The following HTR4 variants were observed in gnomAD, a reference collection of about 807,000 sequenced individuals.
HTR4 encodes 5-hydroxytryptamine receptor 4, also known as 5-hydroxytryptamine (serotonin) receptor 4, G protein-coupled.
HTR4 carries 16 observed loss-of-function variants against 36.8 expected under a neutral mutation model. The ratio of observed to expected loss-of-function variants is 0.43; its 90% CI spans 0.29 to 0.66. The LOEUF (loss-of-function observed/expected upper bound fraction) is 0.66, where lower values mean the gene tolerates loss of function less well. Among genes scored for constraint, HTR4 ranks in the 30% least tolerant of loss-of-function variants. The pLI, the probability that HTR4 is intolerant of heterozygous loss-of-function variation, is 0.13. For missense variants in HTR4, 438 were observed against 490.9 expected, an observed-to-expected ratio of 0.89 and a Z score of 1.02; for synonymous variants, 189 against 185.1, an observed-to-expected ratio of 1.02 and a Z score of -0.17.
rs146900881 is a variant in HTR4, at chr5:148,643,402, C to G, written c.-47-6341G>C. Among the ~76,000 whole-genome samples, 321 of 152,104 alleles carry G rather than the reference C, an allele frequency of 2.1e-3. 5 individuals carry two copies. The East Asian group carries it at 0.038, about 18-fold the overall frequency. On this transcript the variant is annotated intron_variant, in intron 1 of 6. Coordinates refer to ENST00000377888, the MANE Select transcript of HTR4 (RefSeq NM_000870.7). Reference sequence around the variant, plus strand: ...TCATGTTGTGCTGAATGGGATATATCTAGTGTTTCTAGAAATCAGGTTTTT... The same window carrying G: ...TCATGTTGTGCTGAATGGGATATATGTAGTGTTTCTAGAAATCAGGTTTTT...
intron 2 of HTR4, among the ~76,000 whole-genome samples, chr5:148,599,632 T>C (rs1340108381): frequency 6.6e-6 from 1 of 152,012 alleles, no homozygotes; most frequent in Non-Finnish European, 1.5e-5. Context: ...TTAAGAGTTC[T>C]CTTTACGAAG....
At chr5:148,465,035 A>G (rs1239391701) in intron 5 of HTR4, among the ~76,000 whole-genome samples, 1 of 152,192 alleles carries the variant, frequency 6.6e-6, no homozygotes, top group Admixed American at 6.5e-5. Context: ...ACTATGGAGA[A>G]AATAAAAAGA....
Position 148,588,685 on chromosome 5 carries a change from C to T in HTR4, c.27-38423G>A, listed in dbSNP as rs565499170. Among the ~76,000 whole-genome samples the T allele has an allele frequency of 3.2e-3, 481 of 150,586 alleles. 4 individuals are homozygous for T. Among genetic ancestry groups the T allele is most frequent in the African/African-American group, 0.011 (447 of 41,228 alleles). On this transcript the variant is annotated intron_variant, in intron 2 of 6. Transcript: ENST00000377888. ...CCTCCCGAGTAGCTGGGACTACAGG[C>T]GCCCGCCACCGCGCCCGGCTAATTT...
intron 5 of HTR4, chr5:148,451,408 G>A: frequency 6.9e-7 from 1 of 1,451,322 alleles, no homozygotes. Flanking sequence ...AGTGGGGATG[G>A]GGTGATACTT....
chr5:148,458,108 T>A (rs1161358945), intron 5 of HTR4, among the ~76,000 whole-genome samples: 3 of 57,490 alleles, frequency 5.2e-5, no homozygotes, highest in African/African-American at 8.4e-5. Context: ...TAATATCTAT[T>A]AAATAGATCT....
chr5:148,574,301 T>C (rs756572302), intron 2 of HTR4, among the ~76,000 whole-genome samples: 31 of 152,036 alleles, frequency 2.0e-4, no homozygotes, highest in Admixed American at 1.2e-3. Context: ...TGCACTGCTA[T>C]TCACCCAAGA....
intron 1 of HTR4, among the ~76,000 whole-genome samples, chr5:148,650,211 G>C (rs1753994418): frequency 6.6e-6 from 1 of 152,118 alleles, no homozygotes; most frequent in Non-Finnish European, 1.5e-5. Context: ...ATGAAAGTTT[G>C]AGAAGCACTC....
chr5:148,596,538 T>A (rs1196014555), intron 2 of HTR4, among the ~76,000 whole-genome samples: 1 of 152,164 alleles, frequency 6.6e-6, no homozygotes, highest in Non-Finnish European at 1.5e-5. Context: ...GGGCTGGCTT[T>A]TTTTGGAGAG....
intron 2 of HTR4, among the ~76,000 whole-genome samples, chr5:148,603,344 GA>G (rs1275564406): frequency 2.0e-5 from 3 of 151,814 alleles, no homozygotes; most frequent in Admixed American, 2.0e-4. Flanking sequence ...GATTTACAAA[GA>G]AAAAACTCAG....
chr5:148,517,333 T>C (rs1006441052), intron 5 of HTR4, among the ~76,000 whole-genome samples: 1 of 152,296 alleles, frequency 6.6e-6, no homozygotes, highest in East Asian at 1.9e-4. Flanking sequence ...TCTAGTCATA[T>C]GGATTTAAAT....
At chr5:148,451,065 C>G in exon 6 of HTR4, 1 of 1,543,968 alleles carries the variant, frequency 6.5e-7, no homozygotes, top group Non-Finnish European at 8.8e-7. Flanking sequence ...CCTCTGGGCT[C>G]TCAGCCCCTA....
At chr5:148,515,977 A>G (rs1757730140) in intron 5 of HTR4, among the ~76,000 whole-genome samples, 1 of 142,594 alleles carries the variant, frequency 7.0e-6, no homozygotes, top group South Asian at 2.2e-4. Context: ...TATTATATAT[A>G]TATGTAACAT....
chr5:148,515,314 T>C (rs1353135054), intron 5 of HTR4, among the ~76,000 whole-genome samples: 1 of 152,192 alleles, frequency 6.6e-6, no homozygotes, highest in African/African-American at 2.4e-5. Context: ...GCTATTGTTT[T>C]CATGCATTTT....
Position 148,509,741 on chromosome 5 carries a change from A to G in HTR4, c.791T>C (p.Ile264Thr). The change falls in exon 6 of 7, where the codon ATC becomes ACC. Residue 264 changes from isoleucine to threonine, a missense_variant. By Grantham distance (89) the Ile-to-Thr change is moderately conservative. Coordinates refer to ENST00000377888, the MANE Select transcript of HTR4 (RefSeq NM_000870.7). Reference sequence around the variant, plus strand: ...CCAGCAGAGGCAGAAGCAACCCATGATGATGCACAGGGTCTTGGCTGCTTT... The same window carrying G: ...CCAGCAGAGGCAGAAGCAACCCATGGTGATGCACAGGGTCTTGGCTGCTTT... ...ETKAAKTLCI[I>T]MGCFCLCWAP... 6.2e-7 allele frequency: 1 copy of G among 1,614,112 alleles called. No homozygotes were observed. The highest frequency in any genetic ancestry group is 8.5e-7 in the Non-Finnish European group (1 of 1,180,002).
chr5:148,644,185 A>C (rs770474873), intron 1 of HTR4, among the ~76,000 whole-genome samples: 22 of 152,272 alleles, frequency 1.4e-4, no homozygotes, highest in South Asian at 1.2e-3. Flanking sequence ...GCAATTCTCC[A>C]AAAGTGTGGT....
At chr5:148,594,354 G>T (rs1027818661) in intron 2 of HTR4, among the ~76,000 whole-genome samples, 1 of 64,594 alleles carries the variant, frequency 1.5e-5, no homozygotes, top group Non-Finnish European at 3.7e-5. Context: ...TGGGTTTCGT[G>T]TGTGTGTGTG....
At chr5:148,602,718 G>T (rs1452256555) in intron 2 of HTR4, among the ~76,000 whole-genome samples, 1 of 152,068 alleles carries the variant, frequency 6.6e-6, no homozygotes, top group Non-Finnish European at 1.5e-5. Flanking sequence ...TCCTTGAAAA[G>T]AGTAATTCAA....
At chr5:148,595,417 CA>C (rs1761729784) in intron 2 of HTR4, among the ~76,000 whole-genome samples, 1 of 152,200 alleles carries the variant, frequency 6.6e-6, no homozygotes, top group South Asian at 2.1e-4. Flanking sequence ...CCAAAAATTA[CA>C]AAAGAAATTT....
intron 5 of HTR4, among the ~76,000 whole-genome samples, chr5:148,512,248 A>G (rs1436903069): frequency 6.6e-6 from 1 of 152,134 alleles, no homozygotes; most frequent in Non-Finnish European, 1.5e-5. Context: ...TGGCTATTTC[A>G]TTGTAATTTT....
Sources: allele counts gnomAD v4.1 joint callset (sites outside exome capture counted in the v4.1 genomes callset), GRCh38; gene constraint gnomAD v4.1.1; transcripts MANE v1.5; gene names NCBI Gene and HGNC (gene_info 2026-07-23, HGNC 2026-07-21).